TMTC2: variants seen among roughly 807,000 people sequenced by gnomAD.
TMTC2 encodes the protein protein O-mannosyl-transferase TMTC2.
Under a neutral mutation model 82.4 loss-of-function variants are expected in TMTC2, and 43 were observed. The ratio of observed to expected loss-of-function variants is 0.52; its 90% CI spans 0.41 to 0.67. The LOEUF (loss-of-function observed/expected upper bound fraction) is 0.67. Ranked by LOEUF, TMTC2 falls within the 30% of genes least tolerant of loss-of-function variation. TMTC2 has a pLI of 0.00. For missense variants in TMTC2, 919 were observed against 1,012.4 expected (o/e 0.91, Z 1.25); for synonymous variants, 408 against 381.9 (o/e 1.07, Z -0.80).
At chr12:82,882,296 G>C (rs1872872309) in intron 2 of TMTC2, among the ~76,000 whole-genome samples, 1 of 152,086 alleles carries the variant, frequency 6.6e-6, no homozygotes, top group Admixed American at 6.5e-5. Context: ...ACCGCGCCCG[G>C]CCAAGATGTT....
intron 7 of TMTC2, among the ~76,000 whole-genome samples, chr12:82,967,252 G>A (rs1057033285): frequency 3.9e-5 from 6 of 151,974 alleles, no homozygotes; most frequent in African/African-American, 1.4e-4. Flanking sequence ...AAACATCTGG[G>A]TATGGAATAT....
intron 7 of TMTC2, among the ~76,000 whole-genome samples, chr12:82,979,209 C>G (rs1211552856): frequency 6.6e-6 from 1 of 151,460 alleles, no homozygotes; most frequent in Non-Finnish European, 1.5e-5. Flanking sequence ...TAATGACTTA[C>G]TCTTGACATT....
intron 9 of TMTC2, among the ~76,000 whole-genome samples, chr12:83,031,263 GTT>G (rs1881419520): frequency 6.6e-6 from 1 of 152,104 alleles, no homozygotes; most frequent in Non-Finnish European, 1.5e-5. Flanking sequence ...TCATTTTGAA[GTT>G]TTAGAAGTTT....
intron 1 of TMTC2, among the ~76,000 whole-genome samples, chr12:82,768,098 C>T (rs1465121903): frequency 1.3e-5 from 2 of 152,202 alleles, no homozygotes; most frequent in Non-Finnish European, 2.9e-5. Context: ...TAGCCAGGGG[C>T]TTCTCCTCTC....
intron 1 of TMTC2, among the ~76,000 whole-genome samples, chr12:82,721,418 G>GT (rs969384462): frequency 6.6e-6 from 1 of 151,876 alleles, no homozygotes; most frequent in Non-Finnish European, 1.5e-5. Flanking sequence ...TTTTAATTTT[G>GT]TTTTTTTCTT....
At chr12:82,806,047 C>A (rs1056505127) in intron 1 of TMTC2, among the ~76,000 whole-genome samples, 1 of 151,964 alleles carries the variant, frequency 6.6e-6, no homozygotes, top group African/African-American at 2.4e-5. Flanking sequence ...GCAGATAAAT[C>A]AAAATTCAGA....
chr12:82,958,193 T>C (rs971508676), intron 4 of TMTC2, among the ~76,000 whole-genome samples: 2 of 151,636 alleles, frequency 1.3e-5, no homozygotes, highest in Non-Finnish European at 2.9e-5. Flanking sequence ...CTAGACCTCA[T>C]CTCTACTAAA....
intron 2 of TMTC2, 116 bp from the exon 3 acceptor site, chr12:82,895,702 C>A: frequency 1.1e-6 from 1 of 914,986 alleles, no homozygotes; most frequent in Non-Finnish European, 1.6e-6. Context: ...GTTTTGGAGA[C>A]ATCATGCTGT....
intron 10 of TMTC2, among the ~76,000 whole-genome samples, chr12:83,051,222 G>T (rs190198602): frequency 1.3e-3 from 194 of 152,228 alleles, no homozygotes; most frequent in African/African-American, 4.5e-3. Flanking sequence ...ATGTGATCCA[G>T]GACAGCTTTG....
At chr12:83,091,821 G>A (rs909297081) in intron 11 of TMTC2, among the ~76,000 whole-genome samples, 7 of 152,166 alleles carry the variant, frequency 4.6e-5, no homozygotes, top group Non-Finnish European at 1.0e-4. Flanking sequence ...TGTTAAGTTA[G>A]ATTTTTAATT....
chr12:82,997,157 C>CCTCTCTCTCT (rs750382234), intron 8 of TMTC2, among the ~76,000 whole-genome samples: 3 of 41,302 alleles, frequency 7.3e-5, no homozygotes, highest in Admixed American at 3.4e-4. Context: ...TTGATACTTC[C>CCTCTCTCTCT]CTCTCTCTCT....
At chr12:82,861,684 A>G (rs1161169756) in intron 2 of TMTC2, among the ~76,000 whole-genome samples, 1 of 152,222 alleles carries the variant, frequency 6.6e-6, no homozygotes, top group Non-Finnish European at 1.5e-5. Context: ...ATGCTCGTTG[A>G]GATAAGTAAT....
At chr12:82,992,698 C>G (rs1273058425) in intron 8 of TMTC2, among the ~76,000 whole-genome samples, 2 of 152,166 alleles carry the variant, frequency 1.3e-5, no homozygotes, top group East Asian at 3.9e-4. Context: ...TAAGGATCTC[C>G]CTTCCACTCC....
At chr12:82,697,334 CA>C (rs367770708) in intron 1 of TMTC2, among the ~76,000 whole-genome samples, 256 of 61,670 alleles carry the variant, frequency 4.2e-3, no homozygotes, top group East Asian at 0.013. Flanking sequence ...CAGCCTGTCT[CA>C]AAAAAAAAAA....
At chr12:82,729,804 A>G (rs982983976) in intron 1 of TMTC2, among the ~76,000 whole-genome samples, 7 of 152,204 alleles carry the variant, frequency 4.6e-5, no homozygotes, top group Admixed American at 1.3e-4. Context: ...TTTGCAATAA[A>G]TCTTGCTGCT....
At chr12:82,919,865 C>A (rs1875274795) in intron 3 of TMTC2, among the ~76,000 whole-genome samples, 1 of 152,204 alleles carries the variant, frequency 6.6e-6, no homozygotes, top group African/African-American at 2.4e-5. Flanking sequence ...TTGCTGGGCT[C>A]AGCCCACATT....
intron 2 of TMTC2, among the ~76,000 whole-genome samples, chr12:82,865,424 A>G (rs539739417): frequency 2.2e-4 from 34 of 152,346 alleles, no homozygotes; most frequent in African/African-American, 7.9e-4. Context: ...AGGCCATTAC[A>G]TAATGGTAAA....
intron 11 of TMTC2, among the ~76,000 whole-genome samples, chr12:83,101,721 C>A (rs1884222623): frequency 6.6e-6 from 1 of 152,192 alleles, no homozygotes; most frequent in Admixed American, 6.5e-5. Flanking sequence ...CTTTATTCTT[C>A]AGGGTCCAGA....
intron 9 of TMTC2, among the ~76,000 whole-genome samples, chr12:83,041,349 C>G (rs1386020440): frequency 6.6e-6 from 1 of 152,140 alleles, no homozygotes; most frequent in Non-Finnish European, 1.5e-5. Flanking sequence ...CATGAGGTGA[C>G]TTGTGCTGCA....
Sources: allele counts gnomAD v4.1 joint callset (sites outside exome capture counted in the v4.1 genomes callset), GRCh38; gene constraint gnomAD v4.1.1; transcripts MANE v1.5; gene names NCBI Gene and HGNC (gene_info 2026-07-23, HGNC 2026-07-21).